The following NLRP11 variants were observed in gnomAD, a reference collection of about 807,000 sequenced individuals.
The protein encoded by NLRP11 is NACHT, LRR and PYD domains-containing protein 11.
In NLRP11, 53 loss-of-function variants were observed where a neutral mutation model predicts 79.3. The ratio of observed to expected loss-of-function variants is 0.67; its 90% CI spans 0.54 to 0.84. The LOEUF (loss-of-function observed/expected upper bound fraction) is 0.84. NLRP11 is among the 40% of genes least tolerant of loss of function. NLRP11 has a pLI of 0.00. For synonymous variants in NLRP11, 518 were observed against 462.6 expected (o/e 1.12, Z -1.54); for missense variants, 1,264 against 1,255.0 (o/e 1.01, Z -0.11).
intron 5 of NLRP11, chr19:55,798,280 G>T: frequency 1.0e-6 from 1 of 978,512 alleles, no homozygotes; most frequent in Non-Finnish European, 1.2e-6. Flanking sequence ...TTCCAGGCGT[G>T]AGCCGTCGCG....
chr19:55,808,688 T>C (rs540335558), intron 3 of NLRP11, 81 bp downstream of exon 3: 681 of 1,337,892 alleles, frequency 5.1e-4, no homozygotes, highest in Non-Finnish European at 6.8e-4. Context: ...CCCGAGTTTG[T>C]CTTGTTCTGG....
chr19:55,788,596 C>T (rs1027278396), intron 9 of NLRP11, among the ~76,000 whole-genome samples: 2 of 151,372 alleles, frequency 1.3e-5, no homozygotes, highest in Non-Finnish European at 2.9e-5. Flanking sequence ...AAAAATTAGC[C>T]AGGTGTGGTG....
upstream of NLRP11, chr19:55,836,557 G>A (rs1983305310): frequency 6.6e-6 from 1 of 152,358 alleles, no homozygotes; most frequent in Non-Finnish European, 1.5e-5. Context: ...AGGAAGGCGT[G>A]GAGCGGTGAG....
chr19:55,798,386 A>G, intron 5 of NLRP11: 1 of 960,646 alleles, frequency 1.0e-6, no homozygotes, highest in Non-Finnish European at 1.2e-6. Flanking sequence ...GATTGCCATT[A>G]TCCTTAGCAA....
At position 55,829,329 on chromosome 19, in the gene NLRP11, A is replaced by G. The variant is rs1356845831; in HGVS notation, c.-63+2634T>C. Among the ~76,000 whole-genome samples the G allele has an allele frequency of 5.3e-5, 8 of 152,098 alleles. No homozygotes were observed. The East Asian group carries it at 9.6e-4, about 18-fold the overall frequency. On this transcript the variant is annotated intron_variant, in intron 1 of 9. Coordinates refer to ENST00000589093, the Ensembl canonical transcript of NLRP11. ...TGAAGTCTGACAAGGACATGATTAG[A>G]TATTTCCGGTGCATTATTATGTATT...
upstream of NLRP11, among the ~76,000 whole-genome samples, chr19:55,833,901 G>A (rs1435386345): frequency 2.6e-5 from 4 of 151,246 alleles, 1 homozygote; most frequent in African/African-American, 7.3e-5. Flanking sequence ...GGGCAGTGGC[G>A]TAGGTGAACT....
At chr19:55,785,493 T>TCA (rs878891245) in exon 10 of NLRP11, 31,276 of 418,044 alleles carry the variant, frequency 0.075, 359 homozygotes, top group Non-Finnish European at 0.088. Context: ...TGGATCAAGG[T>TCA]CACACACACA....
At chr19:55,789,563 A>T (rs549772066) in intron 7 of NLRP11, among the ~76,000 whole-genome samples, 164 bp from the exon 8 acceptor site, 1 of 152,334 alleles carries the variant, frequency 6.6e-6, no homozygotes, top group South Asian at 2.1e-4. Context: ...ACAACATACC[A>T]GGCATTGTTC....
Position 55,809,537 on chromosome 19 carries a change from T to G in NLRP11, c.1073A>C (p.Asp358Ala). ...GGGTGTTTGGCAGCAGAGCTGGAAG[T>G]CACGCCCCTTGTCCATCTGCCGCTT... is the stretch of plus-strand genomic sequence containing the variant. Residue 358 changes from aspartate to alanine, a missense_variant, in exon 3 of 10, where the codon GAC becomes GCC. Asp to Ala is a moderately radical substitution (Grantham distance 126). Transcript: ENST00000589093. The surrounding 1 kb of genome is among the most constrained non-coding windows in gnomAD (Gnocchi z 4.5). 1 of 1,614,182 alleles carries G rather than the reference T, an allele frequency of 6.2e-7. No individual in the cohort carries two copies. Among genetic ancestry groups the G allele is most frequent in the Non-Finnish European group, 8.5e-7 (1 of 1,180,032 alleles).
intron 6 of NLRP11, among the ~76,000 whole-genome samples, chr19:55,793,285 T>A (rs1001068817): frequency 1.3e-5 from 2 of 151,994 alleles, no homozygotes; most frequent in Non-Finnish European, 2.9e-5. Context: ...AAGTTGGAAA[T>A]AGGCCGGGCA....
chr19:55,818,151 G>A (rs1197930087), exon 2 of NLRP11: 7 of 1,613,514 alleles, frequency 4.3e-6, no homozygotes, highest in African/African-American at 1.3e-5. Context: ...GCAGGTCAAA[G>A]TCAGTAGAAT....
At chr19:55,831,272 G>C (rs893606376) in intron 1 of NLRP11, among the ~76,000 whole-genome samples, 3 of 151,614 alleles carry the variant, frequency 2.0e-5, no homozygotes, top group South Asian at 4.2e-4. Flanking sequence ...CATTAAAATA[G>C]AGCTCAGGAC....
At chr19:55,831,939 A>G (rs976934230) in intron 1 of NLRP11, 24 bp downstream of exon 1, 8 of 152,342 alleles carry the variant, frequency 5.3e-5, no homozygotes, top group African/African-American at 1.9e-4. Flanking sequence ...CCAAACAAAC[A>G]AATCGGCCAG....
At chr19:55,805,366 C>T (rs1383338588) in intron 4 of NLRP11, among the ~76,000 whole-genome samples, 1 of 151,904 alleles carries the variant, frequency 6.6e-6, no homozygotes, top group African/African-American at 2.4e-5. Flanking sequence ...CACGGGAAGC[C>T]CTTTTAATTT....
chr19:55,821,776 G>T lies in NLRP11; in HGVS notation c.-62-3540C>A, dbSNP rs535377955. 4.6e-5 allele frequency among the ~76,000 whole-genome samples: 7 copies of T among 151,552 alleles called. No individual in the cohort carries two copies. In the East Asian group the frequency reaches 1.4e-3, roughly 30 times the overall value. On this transcript the variant is annotated intron_variant, in intron 1 of 9. Coordinates refer to ENST00000589093, the Ensembl canonical transcript of NLRP11. ...CCCATTAACATTGTTAGTGATGGGA[G>T]AACCCATTAACATTGTTAGTGATGG...
chr19:55,807,057 A>T (rs1040888544), intron 4 of NLRP11, among the ~76,000 whole-genome samples: 2 of 152,134 alleles, frequency 1.3e-5, no homozygotes, highest in African/African-American at 2.4e-5. Context: ...ATACTTTAAA[A>T]TGCGTGTACT....
intron 1 of NLRP11, among the ~76,000 whole-genome samples, chr19:55,821,133 G>C (rs994679357): frequency 3.3e-5 from 5 of 151,154 alleles, no homozygotes; most frequent in Non-Finnish European, 5.9e-5. Context: ...CAATTTTCTC[G>C]GCACTGTTTA....
chr19:55,810,033 G>C, exon 3 of NLRP11: 2 of 1,614,080 alleles, frequency 1.2e-6, no homozygotes, highest in Non-Finnish European at 1.7e-6. Flanking sequence ...TTGGTCATCT[G>C]GTTTATTTCG....
At chr19:55,834,458 T>G (rs1205482887), upstream of NLRP11, among the ~76,000 whole-genome samples, 1 of 152,224 alleles carries the variant, frequency 6.6e-6, no homozygotes, top group Non-Finnish European at 1.5e-5. Flanking sequence ...CAACTAATAT[T>G]TGGTGACTAC....
Sources: allele counts gnomAD v4.1 joint callset (sites outside exome capture counted in the v4.1 genomes callset), GRCh38; gene constraint gnomAD v4.1.1; non-coding constraint Gnocchi (gnomAD v3.1); transcripts MANE v1.5; gene names NCBI Gene and HGNC (gene_info 2026-07-23, HGNC 2026-07-21).